The following LRRC34 variants were observed in gnomAD, a reference collection of about 807,000 sequenced individuals.
LRRC34 encodes leucine rich repeat containing 34.
In LRRC34, 44 loss-of-function variants were observed where a neutral mutation model predicts 48.5. That is an observed-to-expected ratio of 0.91 (90% CI 0.71 to 1.17). LRRC34 has a LOEUF of 1.17. LRRC34 is among the 50% of genes most tolerant of loss of function. The pLI is 0.00. For missense variants in LRRC34, 502 were observed against 563.0 expected (o/e 0.89, Z 1.10); for synonymous variants, 192 against 197.6 (o/e 0.97, Z 0.24).
rs531995563 is a variant in LRRC34, at chr3:169,802,597, A to G, written c.657+1456T>C. ...ATTCACTGTTGTATCATTAGTGTCC[A>G]GCACAATGACTGGTATGTGGAGATG... On this transcript the variant is annotated intron_variant, in intron 6 of 10. Coordinates refer to ENST00000446859, the MANE Select transcript of LRRC34 (RefSeq NM_001172779.2). 3.3e-5 allele frequency among the ~76,000 whole-genome samples: 5 copies of G among 152,330 alleles called. 1 individual carries two copies. Among genetic ancestry groups the G allele is most frequent in the African/African-American group, 9.6e-5 (4 of 41,582 alleles).
intron 6 of LRRC34, among the ~76,000 whole-genome samples, chr3:169,803,219 T>C (rs567702057): frequency 1.2e-4 from 19 of 152,268 alleles, no homozygotes; most frequent in African/African-American, 4.6e-4. Flanking sequence ...TTAATAATTT[T>C]TAGAGACAGG....
chr3:169,808,728 G>A lies in LRRC34; in HGVS notation c.157C>T (p.Leu53Phe). The change falls in exon 2 of 11, where the codon CTC becomes TTC. Residue 53 changes from leucine (L) to phenylalanine (F), a missense_variant. Physicochemically the swap from Leu to Phe is conservative, Grantham distance 22. Coordinates refer to ENST00000446859, the MANE Select transcript of LRRC34 (RefSeq NM_001172779.2). ...AVQRESPESG[L>F]QKHYSNLCME... is the part of the protein sequence containing the mutation. ...CACAGATTAGAATAATGTTTCTGGA[G>A]ACCAGATTCTGGAGATTCTGAAAAA... The A allele has an allele frequency of 5.1e-6, 8 of 1,578,762 alleles. No individual in the cohort carries two copies. The highest frequency in any genetic ancestry group is 6.9e-6 in the Non-Finnish European group (8 of 1,154,042).
Position 169,793,857 on chromosome 3 carries a change from A to AAACT in LRRC34, c.1192-23_1192-20dup. 3.9e-6 allele frequency: 6 copies of AAACT among 1,544,570 alleles called. No homozygotes were observed. Among genetic ancestry groups the AAACT allele is most frequent in the Non-Finnish European group, 5.3e-6 (6 of 1,133,258 alleles). ...AATATGCCTAGGATTTTTAGGAAAA[A>AAACT]AACTATATCATTAAGAAAAAATGTA... On this transcript the variant is annotated intron_variant, in intron 10 of 10. Coordinates refer to ENST00000446859, the MANE Select transcript of LRRC34 (RefSeq NM_001172779.2).
intron 7 of LRRC34, among the ~76,000 whole-genome samples, chr3:169,798,337 C>T (rs1779068457): frequency 6.6e-6 from 1 of 152,146 alleles, no homozygotes; most frequent in African/African-American, 2.4e-5. Context: ...TAGAGTGGCA[C>T]CTGGCATCAG....
intron 9 of LRRC34, 118 bp from the exon 10 acceptor site, chr3:169,795,729 C>T: frequency 5.1e-6 from 7 of 1,375,950 alleles, no homozygotes; most frequent in Non-Finnish European, 6.6e-6. Context: ...GGTAAAAATA[C>T]TGACCATTTA....
At chr3:169,805,446 G>A in intron 5 of LRRC34, among the ~76,000 whole-genome samples, 1 of 152,134 alleles carries the variant, frequency 6.6e-6, no homozygotes. Flanking sequence ...AGAAATGTAA[G>A]ATTTGCACAT....
chr3:169,805,986 C>T (rs1779357949), intron 5 of LRRC34, among the ~76,000 whole-genome samples: 1 of 151,392 alleles, frequency 6.6e-6, no homozygotes, highest in African/African-American at 2.4e-5. Context: ...AGAGCCAACA[C>T]AATCCTGAAA....
In LRRC34 at chr3:169,793,838, C is replaced by A; in HGVS notation, c.1192G>T (p.Ala398Ser). 6.3e-7 allele frequency: 1 copy of A among 1,593,664 alleles called. No individual in the cohort carries two copies. Among genetic ancestry groups the A allele is most frequent in the Non-Finnish European group, 8.5e-7 (1 of 1,172,466 alleles). Residue 398 changes from alanine to serine, a missense_variant and splice_region_variant, in exon 11 of 11, where the codon GCA (alanine) becomes TCA (serine). By Grantham distance (99) the Ala-to-Ser change is moderately conservative (BLOSUM62 1). Coordinates refer to ENST00000446859, the MANE Select transcript of LRRC34 (RefSeq NM_001172779.2). ...GNKFDEATCI[A>S]YSDLIQMGCL... is the part of the protein sequence containing the mutation. Reference sequence around the variant, plus strand: ...CCCATTTGAATTAAGTCTGAATATGCCTAGGATTTTTAGGAAAAAAACTAT... The same window carrying A: ...CCCATTTGAATTAAGTCTGAATATGACTAGGATTTTTAGGAAAAAAACTAT...
intron 5 of LRRC34, among the ~76,000 whole-genome samples, chr3:169,806,197 A>G (rs113531373): frequency 0.014 from 2,085 of 152,134 alleles, 18 homozygotes; most frequent in Middle Eastern, 0.027. Flanking sequence ...ATAGTCTTTT[A>G]ACAAATGGTG....
At chr3:169,796,959 C>G (rs1419317912) in intron 7 of LRRC34, 60 bp from the exon 8 acceptor site, 1 of 1,258,348 alleles carries the variant, frequency 7.9e-7, no homozygotes, top group African/African-American at 1.5e-5. Flanking sequence ...ATGTTTATTT[C>G]AGACATATGC....
At position 169,804,105 on chromosome 3, in the gene LRRC34, A is replaced by T; in HGVS notation, c.605T>A (p.Met202Lys). 2.5e-6 allele frequency: 4 copies of T among 1,606,724 alleles called. No individual in the cohort carries two copies. Among genetic ancestry groups the T allele is most frequent in the Non-Finnish European group, 3.4e-6 (4 of 1,176,070 alleles). ...CTCTAATGATGAATTAATTTGCAGC[A>T]TTGCAGCAAAAAACATTCCACCTTT... ...ENKGGMFFAA[M>K]LQINSSLEKL... The change falls in exon 6 of 11, where the codon ATG becomes AAG. Residue 202 changes from methionine (M) to lysine (K), a missense_variant. By Grantham distance (95) the Met-to-Lys change is moderately conservative. Coordinates refer to ENST00000446859, the MANE Select transcript of LRRC34 (RefSeq NM_001172779.2).
chr3:169,800,656 T>A lies in LRRC34; in HGVS notation c.753+3A>T. The A allele has an allele frequency of 6.6e-7, 1 of 1,513,500 alleles. No individual in the cohort carries two copies. Among genetic ancestry groups the A allele is most frequent in the Non-Finnish European group, 8.9e-7 (1 of 1,129,254 alleles). The allele number at this position is 1,513,500 out of a possible 1,614,324, so 93.8% of individuals were successfully genotyped here. A position where few individuals can be genotyped will look rare whatever the true frequency, so the allele number is the denominator to read the frequency against. ...ATTAACTACCATCACTTTGAATACA[T>A]ACCTGTTCACTGTACAGTATAGGTC... On this transcript the variant is annotated splice_donor_region_variant and intron_variant, in intron 7 of 10. Transcript: ENST00000446859.
At chr3:169,802,772 A>C (rs1340742127) in intron 6 of LRRC34, among the ~76,000 whole-genome samples, 1 of 152,108 alleles carries the variant, frequency 6.6e-6, no homozygotes, top group African/African-American at 2.4e-5. Flanking sequence ...CGGGAGTTTG[A>C]GACCAGCCTA....
Position 169,807,366 on chromosome 3 carries a change from C to A in LRRC34, c.444+60G>T. 2.1e-6 allele frequency: 3 copies of A among 1,460,134 alleles called. No homozygotes were observed. The South Asian group carries it at 3.4e-5, about 17-fold the overall frequency. 90.4% of individuals were successfully genotyped at this position (1,460,134 alleles called of 1,614,324 possible). On this transcript the variant is annotated intron_variant, in intron 4 of 10. Transcript: ENST00000446859. ...TAAAACTAGTGTTTTATGTGTGTGT[C>A]ATTAGACTAATTGGTTTCATTGTAA...
rs753473867 is a variant in LRRC34 at position 169,806,937 on chromosome 3, A to T, written c.445-6T>A. The T allele has an allele frequency of 1.8e-5, 28 of 1,533,468 alleles. No homozygotes were observed. Among genetic ancestry groups the T allele is most frequent in the Non-Finnish European group, 2.4e-5 (27 of 1,110,222 alleles). 95.0% of individuals were successfully genotyped at this position (1,533,468 alleles called of 1,614,324 possible). A position where few individuals can be genotyped will look rare whatever the true frequency, so the allele number is the denominator to read the frequency against. On this transcript the variant is annotated splice_region_variant and splice_polypyrimidine_tract_variant and intron_variant, in intron 4 of 10. Coordinates refer to ENST00000446859, the MANE Select transcript of LRRC34 (RefSeq NM_001172779.2). ...TAAATGAGATTAAGTTGTTTCTATAAGAGAAAAGAAGCTATTACACATTAT... is the reference window on the plus strand; with the variant it reads ...TAAATGAGATTAAGTTGTTTCTATATGAGAAAAGAAGCTATTACACATTAT...
At chr3:169,807,739 A>AAAAAAAG in intron 2 of LRRC34, 30 bp from the exon 3 acceptor site, 1 of 1,533,214 alleles carries the variant, frequency 6.5e-7, no homozygotes, top group East Asian at 2.3e-5. Context: ...AAAAAAAAAA[A>AAAAAAAG]AAAAGATTTT....
intron 5 of LRRC34, among the ~76,000 whole-genome samples, chr3:169,804,628 A>C (rs776344435): frequency 6.6e-6 from 1 of 152,232 alleles, no homozygotes; most frequent in Non-Finnish European, 1.5e-5. Flanking sequence ...GTAACATTCA[A>C]TCTACCATAA....
chr3:169,804,335 G>A (rs866108454), intron 5 of LRRC34, among the ~76,000 whole-genome samples, 154 bp from the exon 6 acceptor site: 4 of 152,046 alleles, frequency 2.6e-5, no homozygotes, highest in Admixed American at 6.5e-5. Flanking sequence ...TCGCTCTGTC[G>A]CCCAGGCTGG....
intron 1 of LRRC34, among the ~76,000 whole-genome samples, chr3:169,811,688 A>C (rs1779576071): frequency 6.6e-6 from 1 of 152,236 alleles, no homozygotes; most frequent in Non-Finnish European, 1.5e-5. Flanking sequence ...TTAGCCAAGC[A>C]CTGGGAAATC....
Sources: gnomAD v4.1 joint callset for allele counts (sites outside exome capture counted in the v4.1 genomes callset) on GRCh38, gnomAD v4.1.1 for gene constraint, MANE v1.5 for transcripts, NCBI Gene and HGNC (gene_info 2026-07-23, HGNC 2026-07-21) for gene names.